SLC49A4: variants seen among roughly 807,000 people sequenced by gnomAD.
The protein encoded by SLC49A4 is solute carrier family 49 member 4.
Under a neutral mutation model 50.6 loss-of-function variants are expected in SLC49A4, and 36 were observed. That is an observed-to-expected ratio of 0.71 (90% CI 0.55 to 0.94). SLC49A4 has a LOEUF of 0.94. Ranked by LOEUF, SLC49A4 falls within the 40% of genes least tolerant of loss-of-function variation. The pLI is 0.00. For synonymous variants in SLC49A4, 248 were observed against 241.2 expected, an observed-to-expected ratio of 1.03 and a Z score of -0.26; for missense variants, 503 against 605.7, an observed-to-expected ratio of 0.83 and a Z score of 1.78.
In SLC49A4 at chr3:122,872,661, G is replaced by T; in HGVS notation, c.1321+64G>T. 3 of 1,211,386 alleles carry T rather than the reference G, an allele frequency of 2.5e-6. No individual in the cohort carries two copies. In the South Asian group the frequency reaches 4.9e-5, roughly 20 times the overall value. The allele number at this position is 1,211,386 out of a possible 1,614,324, so 75.0% of individuals were successfully genotyped here. A position where few individuals can be genotyped will look rare whatever the true frequency, so the allele number is the denominator to read the frequency against. On this transcript the variant is annotated intron_variant, in intron 8 of 8. Transcript: ENST00000261038. ...TACAAGAAAAGTTTGGGTCACTAGT[G>T]TATAGAAGTTTTTATATGGAGAAGT... is the stretch of plus-strand genomic sequence containing the variant.
chr3:122,840,956 C>T (rs1426309329), intron 4 of SLC49A4, among the ~76,000 whole-genome samples: 7 of 152,112 alleles, frequency 4.6e-5, no homozygotes, highest in South Asian at 2.1e-4. Context: ...TTCTTTTCCT[C>T]GTAATTTTTA....
intron 5 of SLC49A4, among the ~76,000 whole-genome samples, chr3:122,854,515 T>TC (rs1378917673): frequency 6.6e-6 from 1 of 152,168 alleles, no homozygotes; most frequent in African/African-American, 2.4e-5. Context: ...TTCTCTTCTG[T>TC]CCCCTAGGAC....
intron 2 of SLC49A4, among the ~76,000 whole-genome samples, chr3:122,820,883 A>G (rs539153135): frequency 1.2e-4 from 19 of 152,308 alleles, no homozygotes; most frequent in African/African-American, 4.6e-4. Context: ...CTGCCAATGC[A>G]GGAGAAGTTC....
chr3:122,878,130 A>G (rs1937288107), intron 8 of SLC49A4, among the ~76,000 whole-genome samples: 1 of 152,204 alleles, frequency 6.6e-6, no homozygotes, highest in Non-Finnish European at 1.5e-5. Flanking sequence ...GATTAAACTA[A>G]AGCAGCAGTG....
intron 5 of SLC49A4, among the ~76,000 whole-genome samples, chr3:122,853,186 A>G (rs1936946183): frequency 6.6e-6 from 1 of 152,162 alleles, no homozygotes; most frequent in African/African-American, 2.4e-5. Flanking sequence ...TTCTTGCTGC[A>G]TTCTCATGTG....
At chr3:122,843,129 T>C (rs1444958543) in intron 4 of SLC49A4, among the ~76,000 whole-genome samples, 1 of 152,266 alleles carries the variant, frequency 6.6e-6, no homozygotes, top group African/African-American at 2.4e-5. Context: ...TGTACTGTTT[T>C]GTATGCATCT....
At chr3:122,850,135 C>A (rs1410887179) in intron 5 of SLC49A4, among the ~76,000 whole-genome samples, 1 of 152,194 alleles carries the variant, frequency 6.6e-6, no homozygotes. Flanking sequence ...ACATCAGAAT[C>A]ATCTGAATCA....
At chr3:122,843,622 A>G (rs1426401493) in intron 4 of SLC49A4, among the ~76,000 whole-genome samples, 3 of 152,186 alleles carry the variant, frequency 2.0e-5, no homozygotes. Flanking sequence ...TAGAATCTAT[A>G]GGTTTCCTTA....
chr3:122,835,086 G>A (rs1451556719), intron 4 of SLC49A4, among the ~76,000 whole-genome samples: 2 of 152,028 alleles, frequency 1.3e-5, no homozygotes, highest in African/African-American at 4.8e-5. Flanking sequence ...AAAAGGTTAT[G>A]GTCAGATTGG....
chr3:122,876,532 A>G (rs1937270274), intron 8 of SLC49A4, among the ~76,000 whole-genome samples: 1 of 152,218 alleles, frequency 6.6e-6, no homozygotes, highest in Non-Finnish European at 1.5e-5. Context: ...CTACTGGGTA[A>G]TTGATGTGGA....
intron 2 of SLC49A4, 109 bp from the exon 3 acceptor site, chr3:122,826,691 A>C (rs1440034031): frequency 4.7e-6 from 5 of 1,071,246 alleles, no homozygotes; most frequent in Non-Finnish European, 6.8e-6. Context: ...TTCTTTACAG[A>C]TATGTATACT....
At chr3:122,804,241 A>C (rs2107555890) in intron 1 of SLC49A4, among the ~76,000 whole-genome samples, 1 of 152,276 alleles carries the variant, frequency 6.6e-6, no homozygotes, top group East Asian at 1.9e-4. Flanking sequence ...GGGATGCCAC[A>C]CACTTTTAAT....
At chr3:122,855,591 C>T (rs1560230573) in intron 5 of SLC49A4, among the ~76,000 whole-genome samples, 1 of 152,012 alleles carries the variant, frequency 6.6e-6, no homozygotes, top group South Asian at 2.1e-4. Context: ...AGGCAGCATT[C>T]GTAGATTGCT....
At chr3:122,805,516 G>GA (rs894080020) in intron 1 of SLC49A4, among the ~76,000 whole-genome samples, 2 of 151,974 alleles carry the variant, frequency 1.3e-5, no homozygotes, top group African/African-American at 4.8e-5. Flanking sequence ...GAGAGCCCTG[G>GA]AAAAAAAGAA....
At position 122,862,713 on chromosome 3, in the gene SLC49A4, ATTTC is replaced by A. The variant is rs769660798; in HGVS notation, c.1138+2516_1138+2519del. ...ATAGTCATGAGTACATAAAGAACAG[ATTTC>A]TTTCCCTTGAATTAAGTGTAGAATT... On this transcript the variant is annotated intron_variant, in intron 7 of 8. Coordinates refer to ENST00000261038, the MANE Select transcript of SLC49A4 (RefSeq NM_032839.3). Among the ~76,000 whole-genome samples the A allele has an allele frequency of 7.2e-5, 11 of 152,326 alleles. 1 individual carries two copies. The highest frequency in any genetic ancestry group is 4.1e-4 in the South Asian group (2 of 4,830).
At chr3:122,826,667 T>C in intron 2 of SLC49A4, 133 bp from the exon 3 acceptor site, 1 of 856,772 alleles carries the variant, frequency 1.2e-6, no homozygotes, top group South Asian at 1.7e-5. Context: ...AACATGTCTT[T>C]TAGGCATGTC....
chr3:122,838,010 A>G lies in SLC49A4; in HGVS notation c.833+4564A>G, dbSNP rs1238240656. On this transcript the variant is annotated intron_variant, in intron 4 of 8. Transcript: ENST00000261038. ...ATGCAAATCAAAACCACAATGAGAT[A>G]CCATCTCACACCAGTTAGAATGGCG... Among the ~76,000 whole-genome samples, 3 of 152,040 alleles carry G rather than the reference A, an allele frequency of 2.0e-5. No individual in the cohort carries two copies. In the East Asian group the frequency reaches 5.8e-4, roughly 29 times the overall value.
intron 7 of SLC49A4, among the ~76,000 whole-genome samples, chr3:122,869,474 C>T (rs534628132): frequency 6.6e-6 from 1 of 152,062 alleles, no homozygotes. Context: ...ACCAACACCG[C>T]CCCCATTGGG....
intron 2 of SLC49A4, among the ~76,000 whole-genome samples, chr3:122,826,449 G>T (rs1217152004): frequency 6.6e-6 from 1 of 152,108 alleles, no homozygotes; most frequent in Non-Finnish European, 1.5e-5. Flanking sequence ...TTTCATCTCA[G>T]TAAATGGGGA....
Sources: allele counts gnomAD v4.1 joint callset (sites outside exome capture counted in the v4.1 genomes callset), GRCh38; gene constraint gnomAD v4.1.1; transcripts MANE v1.5; gene names NCBI Gene and HGNC (gene_info 2026-07-23, HGNC 2026-07-21).